Variants in PLEKHG6 observed in about 807,000 individuals in gnomAD.
PLEKHG6 encodes pleckstrin homology domain-containing family G member 6.
PLEKHG6 carries 91 observed loss-of-function variants against 97.5 expected under a neutral mutation model. That is an observed-to-expected ratio of 0.93 (90% CI 0.79 to 1.11). The LOEUF (loss-of-function observed/expected upper bound fraction) is 1.11. PLEKHG6 is among the 50% of genes most tolerant of loss of function. The probability of loss-of-function intolerance (pLI) is 0.00; values close to 1 mark genes in which losing one functional copy is unlikely to be tolerated. For missense variants in PLEKHG6, 1,044 were observed against 1,031.0 expected (o/e 1.01, Z -0.17); for synonymous variants, 466 against 425.5 (o/e 1.10, Z -1.17).
rs377585471 is a variant in PLEKHG6 at position 6,317,536 on chromosome 12, C to T, written c.868-11C>T. ...GGAGCAAACCCTGAGCCCCACCCAC[C>T]TTCCCTGCAGTGGTGTGAGAAGCAC... On this transcript the variant is annotated splice_polypyrimidine_tract_variant and intron_variant, in intron 8 of 15. Transcript: ENST00000684764. 1 of 1,613,028 alleles carries T rather than the reference C, an allele frequency of 6.2e-7. No homozygotes were observed. The highest frequency in any genetic ancestry group is 1.3e-5 in the African/African-American group (1 of 75,040).
rs1947231884 is a variant in PLEKHG6, at chr12:6,310,825, G to C, written c.-92G>C. 6.5e-6 allele frequency: 1 copy of C among 152,920 alleles called. No homozygotes were observed. The highest frequency in any genetic ancestry group is 2.4e-5 in the African/African-American group (1 of 41,434). The allele number at this position is 152,920 out of a possible 1,614,324, so 9.5% of individuals were successfully genotyped here. A position where few individuals can be genotyped will look rare whatever the true frequency, so the allele number is the denominator to read the frequency against. On this transcript the variant is annotated 5_prime_UTR_variant, in exon 1 of 16. Transcript: ENST00000684764. ...CGGGGAGGGCGGCGCAGGGCAGCGG[G>C]TGCGGTGACACCTGTGGGCACAGGT...
chr12:6,312,482 A>G (rs1565454178), intron 2 of PLEKHG6, 118 bp downstream of exon 2: 1 of 1,219,876 alleles, frequency 8.2e-7, no homozygotes, highest in East Asian at 2.9e-5. Context: ...CCCTTACCCT[A>G]CTCTTCTTTC....
chr12:6,321,069 G>C (rs1243393556), intron 13 of PLEKHG6, among the ~76,000 whole-genome samples: 3 of 151,736 alleles, frequency 2.0e-5, no homozygotes, highest in Admixed American at 2.0e-4. Context: ...ACCCAGGCTA[G>C]AGTGCAGTGG....
chr12:6,312,812 T>TTGGCTCCACCCC (rs1947321082), intron 2 of PLEKHG6: 2 of 1,235,140 alleles, frequency 1.6e-6, no homozygotes, highest in Non-Finnish European at 2.0e-6. Context: ...GGTGCCTGCC[T>TTGGCTCCACCCC]TGGCTCCACC....
Position 6,316,034 on chromosome 12 carries a change from C to G in PLEKHG6, c.606+115C>G, listed in dbSNP as rs1947446163. 9.9e-7 allele frequency: 1 copy of G among 1,009,802 alleles called. No individual in the cohort carries two copies. The highest frequency in any genetic ancestry group is 1.5e-6 in the Non-Finnish European group (1 of 688,620). 62.6% of individuals were successfully genotyped at this position (1,009,802 alleles called of 1,614,324 possible). On this transcript the variant is annotated intron_variant, in intron 6 of 15. Coordinates refer to ENST00000684764, the MANE Select transcript of PLEKHG6 (RefSeq NM_001384598.1). This position sits in a 1 kb window ranked among gnomAD's most constrained non-coding sequence, Gnocchi z 4.1. ...TCCCACTGCCCCGTTTTTTGGGATGCCTTGCCCTCCCTACTTCCCTGTTAC... is the reference window on the plus strand; with the variant it reads ...TCCCACTGCCCCGTTTTTTGGGATGGCTTGCCCTCCCTACTTCCCTGTTAC...
intron 1 of PLEKHG6, 101 bp from the exon 2 acceptor site, chr12:6,312,058 A>G (rs1346313878): frequency 4.2e-5 from 21 of 494,304 alleles, no homozygotes; most frequent in Non-Finnish European, 5.8e-5. Context: ...CTCCTCCCCC[A>G]CTATACCCTC....
chr12:6,325,271 C>T (rs888763451), intron 13 of PLEKHG6, among the ~76,000 whole-genome samples: 1 of 151,882 alleles, frequency 6.6e-6, no homozygotes, highest in Non-Finnish European at 1.5e-5. Context: ...AACTAGGACT[C>T]AAAGAGCAAG....
intron 2 of PLEKHG6, 22 bp downstream of exon 2, chr12:6,312,386 A>G (rs574098161): frequency 7.7e-6 from 12 of 1,561,626 alleles, no homozygotes; most frequent in Admixed American, 6.1e-5. Context: ...CTGTGCCCCA[A>G]AAGTGACCTG....
At position 6,313,136 on chromosome 12, in the gene PLEKHG6, C is replaced by T. The variant is rs922992028; in HGVS notation, c.139-493C>T. 21 of 1,545,302 alleles carry T rather than the reference C, an allele frequency of 1.4e-5. No homozygotes were observed. The African/African-American group carries it at 2.9e-4, about 21-fold the overall frequency. ...CCTTTCACACAGAAGGGCAGCCACT[C>T]CCAGCTGGATGGGATGCAGGCTGCA... On this transcript the variant is annotated intron_variant, in intron 2 of 15. Transcript: ENST00000684764.
At chr12:6,312,423 C>A in intron 2 of PLEKHG6, 59 bp downstream of exon 2, 1 of 1,499,992 alleles carries the variant, frequency 6.7e-7, no homozygotes, top group Non-Finnish European at 8.9e-7. Context: ...GACACCTAGG[C>A]TGTGGAGTCT....
chr12:6,319,574 G>A (rs903280380), intron 13 of PLEKHG6: 24 of 1,535,216 alleles, frequency 1.6e-5, no homozygotes, highest in African/African-American at 2.7e-5. Flanking sequence ...GCCCCAGAGA[G>A]GGAGGCAGAG....
At chr12:6,312,455 G>T in intron 2 of PLEKHG6, 91 bp downstream of exon 2, 1 of 1,386,782 alleles carries the variant, frequency 7.2e-7, no homozygotes, top group Non-Finnish European at 9.7e-7. Context: ...CAGGTTCAGA[G>T]GTTGAGCTAT....
At position 6,315,568 on chromosome 12, in the gene PLEKHG6, G is replaced by A. The variant is rs1159358967; in HGVS notation, c.474G>A (p.Glu158=). ...LVPGHKEMSQ[E]LCHQQEALWE... ...CCCCACCCCAGGAGATGAGCCAGGA[G>A]CTCTGCCACCAACAGGAGGCCCTGT... The change falls in exon 5 of 16, where the codon GAG becomes GAA. Residue 158 remains glutamate, a synonymous_variant. Coordinates refer to ENST00000684764, the MANE Select transcript of PLEKHG6 (RefSeq NM_001384598.1). This position sits in a 1 kb window ranked among gnomAD's most constrained non-coding sequence, Gnocchi z 4.5. 6.4e-7 allele frequency: 1 copy of A among 1,571,994 alleles called. No individual in the cohort carries two copies. The highest frequency in any genetic ancestry group is 2.3e-5 in the East Asian group (1 of 43,794).
intron 1 of PLEKHG6, 55 bp from the exon 2 acceptor site, chr12:6,312,104 T>A: frequency 1.8e-5 from 14 of 764,006 alleles, no homozygotes; most frequent in Admixed American, 3.5e-5. Context: ...GTCTCCCGCC[T>A]GGTGCCATTC....
At chr12:6,313,960 G>A (rs1947361524) in intron 3 of PLEKHG6, among the ~76,000 whole-genome samples, 176 bp downstream of exon 3, 1 of 152,230 alleles carries the variant, frequency 6.6e-6, no homozygotes, top group South Asian at 2.1e-4. Context: ...GTCCATGCAT[G>A]GCAACCAGGG....
Position 6,315,899 on chromosome 12 carries a change from C to T in PLEKHG6, c.586C>T (p.Arg196Ter), listed in dbSNP as rs149736901. 18 of 1,579,722 alleles carry T rather than the reference C, an allele frequency of 1.1e-5. No homozygotes were observed. The highest frequency in any genetic ancestry group is 1.8e-5 in the Admixed American group (1 of 54,882). Residue 196 changes from arginine (R) to a stop codon, truncating the protein, a stop_gained, in exon 6 of 16, where the codon CGA becomes TGA. Transcript: ENST00000684764. LOFTEE classifies it high-confidence loss of function. The surrounding 1 kb of genome is among the most constrained non-coding windows in gnomAD (Gnocchi z 4.5). ...LLAAGLLNLQ[R>*]VGLLMEVSAE... ...AGCCGCCGGCCTGCTGAACCTGCAG[C>T]GAGTGGGACTGCTGATGGAAGTGAG...
chr12:6,327,479 T>TGGGGC lies in PLEKHG6; in HGVS notation c.1896_1897insGGGGC (p.Pro633GlyfsTer24). ...TGGAACTCCGGGACATCCCTCTGCG[T>TGGGGC]CCCCACCCTCCCGACCCCCAAGCTC... On this transcript the variant is annotated frameshift_variant, in exon 15 of 16. Transcript: ENST00000684764. LOFTEE classifies it high-confidence loss of function. 1.6e-5 allele frequency: 25 copies of TGGGGC among 1,602,868 alleles called. No homozygotes were observed. The highest frequency in any genetic ancestry group is 2.0e-5 in the Non-Finnish European group (24 of 1,171,426).
chr12:6,321,919 G>A (rs1338328462), intron 13 of PLEKHG6, among the ~76,000 whole-genome samples: 1 of 151,750 alleles, frequency 6.6e-6, no homozygotes, highest in East Asian at 1.9e-4. Context: ...TCCAGGTTCA[G>A]ACACCGGTCC....
At chr12:6,318,638 G>A (rs1947580517) in intron 11 of PLEKHG6, 107 bp from the exon 12 acceptor site, 1 of 1,323,690 alleles carries the variant, frequency 7.6e-7, no homozygotes, top group East Asian at 2.3e-5. Flanking sequence ...TTTGGGCTCT[G>A]CGTGTGTCCC....
Sources: allele counts gnomAD v4.1 joint callset (sites outside exome capture counted in the v4.1 genomes callset), GRCh38; gene constraint gnomAD v4.1.1; non-coding constraint Gnocchi (gnomAD v3.1); transcripts MANE v1.5; gene names NCBI Gene and HGNC (gene_info 2026-07-23, HGNC 2026-07-21).